GSTZ1: variants seen among roughly 807,000 people sequenced by gnomAD.
The protein encoded by GSTZ1 is glutathione S-transferase zeta 1.
Under a neutral mutation model 35.9 loss-of-function variants are expected in GSTZ1, and 34 were observed. That is an observed-to-expected ratio of 0.95 (90% CI 0.72 to 1.26). The LOEUF (loss-of-function observed/expected upper bound fraction) is 1.26. GSTZ1 is among the 50% of genes most tolerant of loss of function. GSTZ1 has a pLI of 0.00. For missense variants in GSTZ1, 263 were observed against 271.7 expected, an observed-to-expected ratio of 0.97 and a Z score of 0.23; for synonymous variants, 93 against 101.2, an observed-to-expected ratio of 0.92 and a Z score of 0.49.
intron 3 of GSTZ1, 125 bp downstream of exon 3, chr14:77,327,030 G>A (rs1037784346): frequency 1.4e-5 from 10 of 709,892 alleles, no homozygotes; most frequent in African/African-American, 1.2e-4. Context: ...ATCACTGCAG[G>A]AGGCTGCTGG....
chr14:77,321,061 G>A lies in GSTZ1; in HGVS notation c.-108G>A. ...CTAGTCCAGCCCCTCGCTTTACCCG[G>A]ACGAAAGACACGGGCCTGATTCGTC... On this transcript the variant is annotated 5_prime_UTR_variant, in exon 1 of 9. Transcript: ENST00000216465. 8.2e-7 allele frequency: 1 copy of A among 1,214,736 alleles called. No homozygotes were observed. The highest frequency in any genetic ancestry group is 1.1e-6 in the Non-Finnish European group (1 of 894,030). 75.2% of individuals were successfully genotyped at this position (1,214,736 alleles called of 1,614,324 possible). A position where few individuals can be genotyped will look rare whatever the true frequency, so the allele number is the denominator to read the frequency against.
intron 8 of GSTZ1, among the ~76,000 whole-genome samples, chr14:77,330,709 C>T (rs901104695): frequency 6.6e-6 from 1 of 152,100 alleles, no homozygotes; most frequent in South Asian, 2.1e-4. Flanking sequence ...TTTGGTAGGG[C>T]ACAAATGAGC....
At chr14:77,322,971 T>G (rs1861887) in intron 1 of GSTZ1, 1 of 152,182 alleles carries the variant, frequency 6.6e-6, no homozygotes, top group Non-Finnish European at 1.5e-5. Context: ...AGTTCTCCCC[T>G]ATCCATAGGG....
chr14:77,328,966 C>T, intron 5 of GSTZ1, 157 bp from the exon 6 acceptor site: 1 of 546,124 alleles, frequency 1.8e-6, no homozygotes, highest in Non-Finnish European at 3.2e-6. Flanking sequence ...AACCTCAGGG[C>T]CCTTGGTTGA....
At chr14:77,328,136 G>A in intron 5 of GSTZ1, 99 bp downstream of exon 5, 1 of 1,194,692 alleles carries the variant, frequency 8.4e-7, no homozygotes, top group Non-Finnish European at 1.2e-6. Context: ...GGTGTCAAGG[G>A]AGGGAGGGGG....
chr14:77,329,673 A>G (rs1162113125), intron 6 of GSTZ1, 82 bp from the exon 7 acceptor site: 16 of 1,102,532 alleles, frequency 1.5e-5, no homozygotes, highest in African/African-American at 4.6e-5. Flanking sequence ...CGCCCATTTC[A>G]TAACTATGGA....
intron 3 of GSTZ1, 67 bp downstream of exon 3, chr14:77,326,972 A>G: frequency 1.9e-6 from 2 of 1,070,510 alleles, no homozygotes; most frequent in Non-Finnish European, 2.8e-6. Flanking sequence ...AGGCAGGGGA[A>G]AAAGGGGAGG....
chr14:77,329,593 T>A lies in GSTZ1; in HGVS notation c.422-162T>A, dbSNP rs577292197. The A allele has an allele frequency of 1.7e-5, 11 of 653,724 alleles. No homozygotes were observed. In the South Asian group the frequency reaches 1.9e-4, roughly 12 times the overall value. 40.5% of individuals were successfully genotyped at this position (653,724 alleles called of 1,614,324 possible). On this transcript the variant is annotated intron_variant, in intron 6 of 8. Transcript: ENST00000216465. ...GCCTCAGGAAACAGCAGCTCATCCC[T>A]AACAGCTCTCTCGAGACCTGGCTGC...
chr14:77,326,446 A>C (rs1168763580), intron 2 of GSTZ1: 1 of 171,138 alleles, frequency 5.8e-6, no homozygotes, highest in East Asian at 1.6e-4. Flanking sequence ...GCATGTCTTC[A>C]ACCAAGACAC....
intron 1 of GSTZ1, 43 bp downstream of exon 1, chr14:77,321,226 C>T (rs1320801622): frequency 4.6e-6 from 7 of 1,531,288 alleles, no homozygotes; most frequent in Middle Eastern, 1.7e-4. Flanking sequence ...GGTTAGACAC[C>T]TGGAGACCCT....
rs751189030 is a variant in GSTZ1 at position 77,331,378 on chromosome 14, G to A, written c.*183G>A. On this transcript the variant is annotated 3_prime_UTR_variant, in exon 9 of 9. Transcript: ENST00000216465. ...ATCTGTCACACGCATGTGGGGTGGA[G>A]TAGGGAGATGCGGGGAGCAGGGTGG... The A allele has an allele frequency of 3.7e-5, 24 of 641,190 alleles. No homozygotes were observed. The highest frequency in any genetic ancestry group is 4.9e-5 in the Non-Finnish European group (19 of 385,862). The allele number at this position is 641,190 out of a possible 1,614,324, so 39.7% of individuals were successfully genotyped here.
chr14:77,330,463 C>A, intron 8 of GSTZ1, 104 bp downstream of exon 8: 1 of 933,628 alleles, frequency 1.1e-6, no homozygotes, highest in Non-Finnish European at 1.8e-6. Flanking sequence ...GCCAACCAGC[C>A]AAGGAGCCCA....
At chr14:77,321,710 T>C (rs1160810314) in intron 1 of GSTZ1, 5 of 237,712 alleles carry the variant, frequency 2.1e-5, no homozygotes, top group South Asian at 4.6e-5. Context: ...GATGAAACCC[T>C]GTCTCTATTA....
intron 3 of GSTZ1, chr14:77,327,136 T>C (rs1892359775): frequency 3.4e-6 from 2 of 586,374 alleles, no homozygotes; most frequent in Non-Finnish European, 6.0e-6. Flanking sequence ...GGCTCTCCAG[T>C]GCCTGACCCT....
intron 1 of GSTZ1, among the ~76,000 whole-genome samples, chr14:77,322,150 C>G (rs148555154): frequency 0.014 from 2,089 of 152,292 alleles, 41 homozygotes; most frequent in African/African-American, 0.047. Context: ...ATAGTCCTCC[C>G]TCTTCCAAAT....
At chr14:77,329,261 C>T in intron 6 of GSTZ1, 60 bp downstream of exon 6, 1 of 1,094,166 alleles carries the variant, frequency 9.1e-7, no homozygotes, top group Non-Finnish European at 1.4e-6. Flanking sequence ...GGCCCTCGCA[C>T]ACAGGGGCCT....
At chr14:77,325,943 C>G (rs1281550449) in intron 2 of GSTZ1, 1 of 152,436 alleles carries the variant, frequency 6.6e-6, no homozygotes, top group Admixed American at 6.5e-5. Flanking sequence ...CTCCAGGTGT[C>G]TCCTCCAGCC....
chr14:77,325,053 C>G, intron 2 of GSTZ1, 132 bp downstream of exon 2: 1 of 739,004 alleles, frequency 1.4e-6, no homozygotes, highest in South Asian at 1.5e-5. Flanking sequence ...CAACCAGCAT[C>G]CCCCGGCTCC....
intron 5 of GSTZ1, 89 bp downstream of exon 5, chr14:77,328,126 G>A: frequency 7.3e-7 from 1 of 1,367,062 alleles, no homozygotes; most frequent in Non-Finnish European, 1.0e-6. Flanking sequence ...TGGGGGCGGG[G>A]GTGTCAAGGG....
Sources: allele counts gnomAD v4.1 joint callset (sites outside exome capture counted in the v4.1 genomes callset), GRCh38; gene constraint gnomAD v4.1.1; transcripts MANE v1.5; gene names NCBI Gene and HGNC (gene_info 2026-07-23, HGNC 2026-07-21).